The following COL22A1 variants were observed in gnomAD, a reference collection of about 807,000 sequenced individuals.
COL22A1 encodes the protein collagen alpha-1(XXII) chain.
A neutral mutation model predicts 248.9 loss-of-function variants in COL22A1; 221 were observed. The ratio of observed to expected loss-of-function variants is 0.89; its 90% confidence interval spans 0.80 to 0.99. The LOEUF is 0.99. Ranked by LOEUF, COL22A1 falls within the 50% of genes least tolerant of loss-of-function variation. The probability of loss-of-function intolerance (pLI) is 0.00; values close to 1 mark genes in which losing one functional copy is unlikely to be tolerated. For synonymous variants in COL22A1, 891 were observed against 793.4 expected (o/e 1.12, Z -2.07); for missense variants, 2,240 against 2,179.0 (o/e 1.03, Z -0.56).
At chr8:138,754,962 G>A (rs1311538229) in intron 21 of COL22A1, among the ~76,000 whole-genome samples, 195 bp downstream of exon 21, 1 of 152,208 alleles carries the variant, frequency 6.6e-6, no homozygotes, top group Non-Finnish European at 1.5e-5. Flanking sequence ...TGCCTGACGT[G>A]GAGAGAGTTA....
intron 3 of COL22A1, among the ~76,000 whole-genome samples, chr8:138,846,257 C>T (rs757979439): frequency 2.0e-5 from 3 of 152,102 alleles, no homozygotes; most frequent in African/African-American, 4.8e-5. Flanking sequence ...CTGGGAATTG[C>T]GTGTCATTTT....
At chr8:138,735,858 G>C (rs139424583) in intron 23 of COL22A1, among the ~76,000 whole-genome samples, 5 of 152,340 alleles carry the variant, frequency 3.3e-5, no homozygotes, top group Non-Finnish European at 7.3e-5. Flanking sequence ...GCAGTGAGCA[G>C]TGTTTTCGGG....
At chr8:138,752,472 A>G (rs1832682837) in intron 21 of COL22A1, among the ~76,000 whole-genome samples, 2 of 152,236 alleles carry the variant, frequency 1.3e-5, no homozygotes, top group South Asian at 4.1e-4. Context: ...AAATCAATGG[A>G]CAAACTGCAG....
At chr8:138,779,079 T>C (rs1280758325) in intron 14 of COL22A1, among the ~76,000 whole-genome samples, 1 of 152,234 alleles carries the variant, frequency 6.6e-6, no homozygotes, top group African/African-American at 2.4e-5. Context: ...GCATATTCAG[T>C]GCTTCATTAA....
chr8:138,734,913 G>A (rs1003731077), intron 23 of COL22A1, among the ~76,000 whole-genome samples: 14 of 152,088 alleles, frequency 9.2e-5, no homozygotes, highest in Admixed American at 7.9e-4. Flanking sequence ...AACTAACACT[G>A]GAACAGAAAA....
intron 1 of COL22A1, among the ~76,000 whole-genome samples, chr8:138,887,153 C>T (rs28680346): frequency 0.2 from 30,048 of 151,798 alleles, 3,104 homozygotes; most frequent in African/African-American, 0.26. Context: ...TCATTCTATT[C>T]TTTTACCTGT....
intron 7 of COL22A1, among the ~76,000 whole-genome samples, chr8:138,814,954 C>A (rs892928354): frequency 1.3e-5 from 2 of 152,134 alleles, no homozygotes; most frequent in African/African-American, 4.8e-5. Context: ...TAATAATCCC[C>A]ATGTGTCAAG....
At chr8:138,700,021 C>A in intron 32 of COL22A1, 91 bp downstream of exon 32, 7 of 1,235,246 alleles carry the variant, frequency 5.7e-6, no homozygotes, top group Non-Finnish European at 8.2e-6. Flanking sequence ...GCTGAGTCCT[C>A]ACCCCACCCA....
At chr8:138,731,711 C>G (rs529145331) in intron 23 of COL22A1, among the ~76,000 whole-genome samples, 3 of 152,122 alleles carry the variant, frequency 2.0e-5, no homozygotes, top group African/African-American at 7.2e-5. Flanking sequence ...CTGGTCTACC[C>G]GTGCTGCTGT....
intron 15 of COL22A1, chr8:138,778,030 G>T (rs1176911699): frequency 1.2e-5 from 5 of 424,860 alleles, no homozygotes; most frequent in Admixed American, 3.6e-5. Context: ...TACAGGACAG[G>T]CTGGGGAAAA....
chr8:138,840,429 C>A (rs1364991091), intron 4 of COL22A1, among the ~76,000 whole-genome samples: 1 of 151,912 alleles, frequency 6.6e-6, no homozygotes, highest in East Asian at 1.9e-4. Flanking sequence ...CACAGGAGGG[C>A]CCATAATAGA....
intron 30 of COL22A1, among the ~76,000 whole-genome samples, chr8:138,705,307 A>G (rs1325778910): frequency 1.3e-5 from 2 of 152,214 alleles, no homozygotes; most frequent in Non-Finnish European, 2.9e-5. Context: ...CCTCGAGAAG[A>G]GCAACTCCAA....
At chr8:138,783,322 TTAAC>T (rs1321226860) in intron 12 of COL22A1, among the ~76,000 whole-genome samples, 1 of 151,974 alleles carries the variant, frequency 6.6e-6, no homozygotes, top group Admixed American at 6.6e-5. Context: ...GGGGAGTTTA[TTAAC>T]TAACAACAAG....
intron 1 of COL22A1, among the ~76,000 whole-genome samples, chr8:138,887,810 G>C (rs1481780405): frequency 6.6e-6 from 1 of 152,180 alleles, no homozygotes; most frequent in Non-Finnish European, 1.5e-5. Flanking sequence ...TTGCCAAATT[G>C]CTTTCTGAAA....
chr8:138,623,148 T>C (rs1221295863), intron 52 of COL22A1, among the ~76,000 whole-genome samples: 1 of 151,264 alleles, frequency 6.6e-6, no homozygotes, highest in Admixed American at 6.6e-5. Context: ...CATCTCATTG[T>C]GTGCCCCTGG....
chr8:138,630,831 T>C, intron 49 of COL22A1, 83 bp from the exon 50 acceptor site: 3 of 1,167,156 alleles, frequency 2.6e-6, no homozygotes, highest in Non-Finnish European at 3.8e-6. Flanking sequence ...TACAAAGCAA[T>C]TGATATGGTT....
chr8:138,872,234 T>C (rs1039535265), intron 3 of COL22A1, among the ~76,000 whole-genome samples: 1 of 152,092 alleles, frequency 6.6e-6, no homozygotes, highest in Non-Finnish European at 1.5e-5. Context: ...GTCAAAACTC[T>C]CATTAAATGA....
At chr8:138,893,100 T>C (rs1254341138) in intron 1 of COL22A1, among the ~76,000 whole-genome samples, 1 of 152,164 alleles carries the variant, frequency 6.6e-6, no homozygotes, top group Non-Finnish European at 1.5e-5. Context: ...GCTCCTGTCT[T>C]AAGAGGGCTG....
chr8:138,675,161 G>A (rs1003408094), intron 41 of COL22A1, among the ~76,000 whole-genome samples: 11 of 152,164 alleles, frequency 7.2e-5, no homozygotes, highest in Admixed American at 1.3e-4. Flanking sequence ...AGAAATAACA[G>A]TGAGGGGGTG....
Sources: gnomAD v4.1 joint callset for allele counts (sites outside exome capture counted in the v4.1 genomes callset) on GRCh38, gnomAD v4.1.1 for gene constraint, MANE v1.5 for transcripts, NCBI Gene and HGNC (gene_info 2026-07-23, HGNC 2026-07-21) for gene names.